Variants in DHODH observed in about 807,000 individuals in gnomAD.
DHODH encodes dihydroorotate dehydrogenase (quinone), also known as dihydroorotate dehydrogenase (quinone), mitochondrial.
Under a neutral mutation model 39.7 loss-of-function variants are expected in DHODH, and 30 were observed. That is an observed-to-expected ratio of 0.76 (90% CI 0.57 to 1.02). DHODH has a LOEUF of 1.02. DHODH is among the 50% of genes least tolerant of loss of function. DHODH has a pLI of 0.00. For missense variants in DHODH, 531 were observed against 520.8 expected, an observed-to-expected ratio of 1.02 and a Z score of -0.19; for synonymous variants, 222 against 213.8, an observed-to-expected ratio of 1.04 and a Z score of -0.34.
At chr16:72,016,629 G>C (rs1363905072) in intron 3 of DHODH, 1 of 344,714 alleles carries the variant, frequency 2.9e-6, no homozygotes, top group Non-Finnish European at 5.7e-6. Context: ...GCTAGGAAGA[G>C]AGGTGATTTT....
At chr16:72,020,329 G>GTGTATATA (rs1453540434) in intron 4 of DHODH, 13 of 102,186 alleles carry the variant, frequency 1.3e-4, no homozygotes, top group African/African-American at 5.8e-4. Flanking sequence ...ATGTATATGT[G>GTGTATATA]TATATATATA....
In DHODH at chr16:72,013,312, G is replaced by A. The variant is rs146008068; in HGVS notation, c.234+1050G>A. On this transcript the variant is annotated intron_variant, in intron 2 of 8. Transcript: ENST00000219240. ...TGCTAGTTTGAGAGCCCTGGAACCA[G>A]TGTAAAATGGGAGTGAATAATGAGT... Among the ~76,000 whole-genome samples the A allele has an allele frequency of 1.0e-3, 157 of 152,288 alleles. 1 individual carries two copies. The highest frequency in any genetic ancestry group is 3.7e-3 in the African/African-American group (154 of 41,546).
intron 2 of DHODH, among the ~76,000 whole-genome samples, chr16:72,013,059 A>C (rs2041101940): frequency 6.6e-6 from 1 of 152,214 alleles, no homozygotes. Flanking sequence ...CAGAATGATG[A>C]GTGTGAAAAT....
chr16:72,023,290 C>T lies in DHODH; in HGVS notation c.945C>T (p.Thr315=), dbSNP rs919750092. 1.9e-6 allele frequency: 3 copies of T among 1,614,052 alleles called. No homozygotes were observed. The highest frequency in any genetic ancestry group is 2.2e-5 in the East Asian group (1 of 44,894). The change falls in exon 7 of 9, where the codon ACC becomes ACT. Residue 315 remains threonine, a synonymous_variant. Transcript: ENST00000219240. The part of the protein sequence containing the change: ...GKPLRDLSTQ[T]IREMYALTQG... ...CCCTCCGGGATTTATCAACTCAAAC[C>T]ATTCGGGAGATGTATGCACTCACCC... is the stretch of plus-strand genomic sequence containing the variant.
rs1487905328 is a variant in DHODH, at chr16:72,027,065, C to G, written c.*2866C>G. On this transcript the variant is annotated 3_prime_UTR_variant, in exon 9 of 9. Coordinates refer to ENST00000219240, the MANE Select transcript of DHODH (RefSeq NM_001361.5). ...CGGCTGGAGTGCAGTGGTGCGATCT[C>G]AGCTCACTGCAAGCTCCGCCTCCCG... 2 of 151,976 alleles carry G rather than the reference C, an allele frequency of 1.3e-5. No individual in the cohort carries two copies. The highest frequency in any genetic ancestry group is 4.9e-5 in the African/African-American group (2 of 41,228). 9.4% of individuals were successfully genotyped at this position (151,976 alleles called of 1,614,324 possible).
At chr16:72,021,958 T>C (rs2041222172) in intron 5 of DHODH, among the ~76,000 whole-genome samples, 1 of 151,940 alleles carries the variant, frequency 6.6e-6, no homozygotes, top group East Asian at 1.9e-4. Context: ...CTGGGCATGG[T>C]GGTGCACACC....
intron 4 of DHODH, among the ~76,000 whole-genome samples, chr16:72,019,838 G>A (rs2041183505): frequency 6.6e-6 from 1 of 152,160 alleles, no homozygotes; most frequent in Admixed American, 6.5e-5. Context: ...CTACATTTTA[G>A]GCATGATAAT....
chr16:72,021,084 A>G, intron 4 of DHODH, 40 bp from the exon 5 acceptor site: 1 of 1,558,244 alleles, frequency 6.4e-7, no homozygotes, highest in Non-Finnish European at 8.7e-7. Flanking sequence ...GGCACAGGAA[A>G]GGGTGTGCGG....
intron 8 of DHODH, among the ~76,000 whole-genome samples, 161 bp from the exon 9 acceptor site, chr16:72,023,984 A>G (rs1382715954): frequency 6.6e-6 from 1 of 152,134 alleles, no homozygotes; most frequent in Non-Finnish European, 1.5e-5. Context: ...CTCTGTTCCT[A>G]CCTGGGTAGA....
chr16:72,023,227 T>C lies in DHODH; in HGVS notation c.882T>C (p.Gly294=). Residue 294 remains glycine (G), a synonymous_variant, in exon 7 of 9, where the codon GGT becomes GGC. Coordinates refer to ENST00000219240, the MANE Select transcript of DHODH (RefSeq NM_001361.5). Reference sequence around the variant, plus strand: ...TGAGTCGCCCTGCGGGCCTCCAGGGTGCCCTGCGCTCTGAAACAGGAGGGC... The same window carrying C: ...TGAGTCGCCCTGCGGGCCTCCAGGGCGCCCTGCGCTCTGAAACAGGAGGGC... ...TTVSRPAGLQ[G]ALRSETGGLS... 6.2e-7 allele frequency: 1 copy of C among 1,614,164 alleles called. No individual in the cohort carries two copies. The highest frequency in any genetic ancestry group is 8.5e-7 in the Non-Finnish European group (1 of 1,180,038).
chr16:72,021,385 G>C, intron 5 of DHODH, 74 bp downstream of exon 5: 1 of 1,486,918 alleles, frequency 6.7e-7, no homozygotes. Context: ...TCTCCAGGGC[G>C]AACCTTCAGC....
chr16:72,013,863 C>CT (rs1426654946), intron 2 of DHODH: 1 of 158,902 alleles, frequency 6.3e-6, no homozygotes, highest in Non-Finnish European at 1.4e-5. Flanking sequence ...GTGTTCACCC[C>CT]GGGAGGCCTT....
rs1301298659 is a variant in DHODH, at chr16:72,023,694, A to G, written c.1133+61A>G. The G allele has an allele frequency of 5.0e-6, 8 of 1,601,928 alleles. No individual in the cohort carries two copies. In the Admixed American group the frequency reaches 6.7e-5, roughly 13 times the overall value. On this transcript the variant is annotated intron_variant, in intron 8 of 8. Coordinates refer to ENST00000219240, the MANE Select transcript of DHODH (RefSeq NM_001361.5). ...AGGCAGAGGTTCATTTAGATCACTC[A>G]AGTCAACGAGATACTGTTGATCTGT...
chr16:72,021,382 G>A (rs2041215726), intron 5 of DHODH, 71 bp downstream of exon 5: 1 of 1,500,936 alleles, frequency 6.7e-7, no homozygotes, highest in South Asian at 1.2e-5. Context: ...CATTCTCCAG[G>A]GCGAACCTTC....
chr16:72,021,930 A>C (rs2041221779), intron 5 of DHODH, among the ~76,000 whole-genome samples: 1 of 151,992 alleles, frequency 6.6e-6, no homozygotes. Flanking sequence ...CCCATCTTAC[A>C]AGAAATACAG....
chr16:72,013,651 T>G (rs1018345151), intron 2 of DHODH: 1 of 152,232 alleles, frequency 6.6e-6, no homozygotes, highest in African/African-American at 2.4e-5. Context: ...CAGACCAGTT[T>G]CACCGCCACA....
At chr16:72,013,991 C>T (rs1270175835) in intron 2 of DHODH, among the ~76,000 whole-genome samples, 1 of 151,950 alleles carries the variant, frequency 6.6e-6, no homozygotes, top group Non-Finnish European at 1.5e-5. Context: ...CTTGCCAGCC[C>T]GGATGAGGAG....
At chr16:72,014,203 C>T (rs1368803799) in intron 2 of DHODH, among the ~76,000 whole-genome samples, 1 of 152,176 alleles carries the variant, frequency 6.6e-6, no homozygotes, top group Non-Finnish European at 1.5e-5. Flanking sequence ...GGTGGAAACA[C>T]CATTTCTCCC....
intron 6 of DHODH, 53 bp from the exon 7 acceptor site, chr16:72,023,112 T>A: frequency 1.2e-6 from 2 of 1,607,072 alleles, no homozygotes; most frequent in Non-Finnish European, 1.7e-6. Context: ...GAGAAGCGCC[T>A]CTGGGTCCTT....
Sources: gnomAD v4.1 joint callset for allele counts (sites outside exome capture counted in the v4.1 genomes callset) on GRCh38, gnomAD v4.1.1 for gene constraint, MANE v1.5 for transcripts, NCBI Gene and HGNC (gene_info 2026-07-23, HGNC 2026-07-21) for gene names.